The following SLC14A2 variants were observed in gnomAD, a reference collection of about 807,000 sequenced individuals.
SLC14A2 encodes solute carrier family 14 member 2, also known as urea transporter 2.
In SLC14A2, 91 loss-of-function variants were observed where a neutral mutation model predicts 104.6. The ratio of observed to expected loss-of-function variants is 0.87; its 90% CI spans 0.73 to 1.04. The LOEUF (loss-of-function observed/expected upper bound fraction) is 1.04. Among genes scored for constraint, SLC14A2 ranks in the 50% least tolerant of loss-of-function variants. The pLI is 0.00. For missense variants in SLC14A2, 1,189 were observed against 1,156.0 expected (o/e 1.03, Z -0.41); for synonymous variants, 476 against 466.4 (o/e 1.02, Z -0.27).
chr18:45,607,029 A>T (rs1335187876), intron 2 of SLC14A2, among the ~76,000 whole-genome samples: 2 of 152,198 alleles, frequency 1.3e-5, no homozygotes, highest in South Asian at 2.1e-4. Flanking sequence ...CAAATAATTA[A>T]ATGATGGAAC....
At chr18:45,303,846 A>G (rs1599658862) in intron 1 of SLC14A2, among the ~76,000 whole-genome samples, 2 of 152,334 alleles carry the variant, frequency 1.3e-5, no homozygotes, top group South Asian at 2.1e-4. Flanking sequence ...TCCATGGAAC[A>G]CTAATATTAG....
the SLC14A2 span, among the ~76,000 whole-genome samples, chr18:45,207,066 A>G: frequency 6.6e-6 from 1 of 152,188 alleles, no homozygotes; most frequent in African/African-American, 2.4e-5. Flanking sequence ...TCTGGTACCT[A>G]ATAGTAAACA....
chr18:45,384,556 A>G (rs1444832486), intron 1 of SLC14A2, among the ~76,000 whole-genome samples: 2 of 152,144 alleles, frequency 1.3e-5, no homozygotes, highest in African/African-American at 4.8e-5. Flanking sequence ...GAATCTGAGT[A>G]AAGGAAGGGA....
intron 10 of SLC14A2, among the ~76,000 whole-genome samples, chr18:45,656,223 A>T (rs2144601636): frequency 6.6e-6 from 1 of 152,358 alleles, no homozygotes; most frequent in South Asian, 2.1e-4. Flanking sequence ...CCATATGGCC[A>T]AATAAGCCAA....
intron 1 of SLC14A2, among the ~76,000 whole-genome samples, chr18:45,621,911 A>G (rs1344740612): frequency 6.6e-6 from 1 of 152,148 alleles, no homozygotes; most frequent in Admixed American, 6.5e-5. Context: ...CTTCATGCCA[A>G]TGAACCAGCA....
chr18:45,211,647 C>A (rs914005106), upstream of SLC14A2, among the ~76,000 whole-genome samples: 6 of 152,128 alleles, frequency 3.9e-5, no homozygotes, highest in Non-Finnish European at 8.8e-5. Flanking sequence ...TTCTTTATAG[C>A]CATTGTAATC....
chr18:45,579,900 C>G (rs1431890432), intron 2 of SLC14A2, among the ~76,000 whole-genome samples: 1 of 151,994 alleles, frequency 6.6e-6, no homozygotes, highest in African/African-American at 2.4e-5. Flanking sequence ...GTGAACCATG[C>G]AAAGAGTTAA....
chr18:45,444,319 G>T (rs1221471986), intron 1 of SLC14A2, among the ~76,000 whole-genome samples: 1 of 152,096 alleles, frequency 6.6e-6, no homozygotes, highest in African/African-American at 2.4e-5. Flanking sequence ...GTGAGTGGAT[G>T]CACTACCTTC....
At chr18:45,550,356 C>T (rs1229773889) in intron 2 of SLC14A2, among the ~76,000 whole-genome samples, 1 of 152,180 alleles carries the variant, frequency 6.6e-6, no homozygotes. Context: ...CTTCCATGCC[C>T]TTGTGCATCC....
intron 9 of SLC14A2, 144 bp from the exon 10 acceptor site, chr18:45,643,842 A>C: frequency 1.4e-6 from 1 of 719,934 alleles, no homozygotes; most frequent in Non-Finnish European, 2.3e-6. Flanking sequence ...AACTACTGTG[A>C]CATTGCAAAT....
intron 10 of SLC14A2, among the ~76,000 whole-genome samples, chr18:45,658,165 G>A (rs2045873939): frequency 6.6e-6 from 1 of 152,190 alleles, no homozygotes; most frequent in Non-Finnish European, 1.5e-5. Context: ...AGAGGCCCAG[G>A]AAGCTGGGGA....
intron 1 of SLC14A2, among the ~76,000 whole-genome samples, chr18:45,335,601 G>A (rs184536100): frequency 5.7e-4 from 86 of 152,160 alleles, no homozygotes; most frequent in African/African-American, 2.0e-3. Context: ...AACAACTTGT[G>A]GTGAGTATTC....
At position 45,625,699 on chromosome 18, in the gene SLC14A2, A is replaced by G. The variant is rs762098128; in HGVS notation, c.167A>G (p.Asn56Ser). The change falls in exon 3 of 20, where the codon AAT (asparagine) becomes AGT (serine). Residue 56 changes from asparagine to serine, a missense_variant. Physicochemically the swap from Asn to Ser is conservative, Grantham distance 46 (BLOSUM62 1). Transcript: ENST00000255226. ...MPEEKDLRSS[N>S]EDSHIVKIEK... The stretch of plus-strand genomic sequence containing the variant: ...TCCTAAAAGGATCTCCGGTCTTCCA[A>G]TGAAGACAGTCACATTGTGAAGATC... 9.7e-6 allele frequency: 15 copies of G among 1,553,284 alleles called. No individual in the cohort carries two copies. The highest frequency in any genetic ancestry group is 2.8e-5 in the African/African-American group (2 of 71,096).
At chr18:45,459,682 C>T (rs564817343) in intron 1 of SLC14A2, among the ~76,000 whole-genome samples, 1 of 152,334 alleles carries the variant, frequency 6.6e-6, no homozygotes, top group African/African-American at 2.4e-5. Context: ...ATCGGGACAT[C>T]TCCAGCCCCC....
chr18:45,209,537 CCCTT>C (rs941786438), upstream of SLC14A2, among the ~76,000 whole-genome samples: 3 of 144,430 alleles, frequency 2.1e-5, no homozygotes, highest in Admixed American at 6.9e-5. Flanking sequence ...CTAGAATCAC[CCCTT>C]CCTTTTTCTT....
At chr18:45,571,596 C>T (rs142476614) in intron 2 of SLC14A2, among the ~76,000 whole-genome samples, 1 of 152,220 alleles carries the variant, frequency 6.6e-6, no homozygotes, top group Non-Finnish European at 1.5e-5. Flanking sequence ...TAGTCCGTAG[C>T]TCCTGACTCC....
chr18:45,614,856 G>T (rs1599067644), upstream of SLC14A2: 1 of 131,264 alleles, frequency 7.6e-6, no homozygotes, highest in African/African-American at 2.9e-5. Context: ...GGAGTACATT[G>T]GCACTATCTT....
chr18:45,344,201 T>C (rs1334144176), intron 1 of SLC14A2, among the ~76,000 whole-genome samples: 1 of 152,226 alleles, frequency 6.6e-6, no homozygotes, highest in Non-Finnish European at 1.5e-5. Flanking sequence ...TACACTGATC[T>C]ATTCATTGGG....
chr18:45,382,879 T>A (rs561124136), intron 1 of SLC14A2, among the ~76,000 whole-genome samples: 7 of 152,322 alleles, frequency 4.6e-5, no homozygotes, highest in African/African-American at 1.7e-4. Flanking sequence ...GAACTGCAAG[T>A]CAAGTTTAAA....
Sources: allele counts gnomAD v4.1 joint callset (sites outside exome capture counted in the v4.1 genomes callset), GRCh38; gene constraint gnomAD v4.1.1; transcripts MANE v1.5; gene names NCBI Gene and HGNC (gene_info 2026-07-23, HGNC 2026-07-21).